Variants in WDFY4 observed in about 807,000 individuals in gnomAD.
WDFY4 encodes WD repeat- and FYVE domain-containing protein 4.
A neutral mutation model predicts 351.9 loss-of-function variants in WDFY4; 169 were observed. The observed-to-expected ratio is 0.48, with a 90% confidence interval of 0.42 to 0.55. WDFY4 has a LOEUF of 0.55. WDFY4 is among the 20% of genes least tolerant of loss of function. WDFY4 has a pLI of 0.00. For missense variants in WDFY4, 3,803 were observed against 3,935.6 expected (o/e 0.97, Z 0.90); for synonymous variants, 1,622 against 1,574.6 (o/e 1.03, Z -0.71).
chr10:48,843,190 T>G (rs1331952199), intron 39 of WDFY4, among the ~76,000 whole-genome samples: 2 of 152,236 alleles, frequency 1.3e-5, no homozygotes, highest in Non-Finnish European at 2.9e-5. Flanking sequence ...TTTGGAAAGA[T>G]TAACCAGATC....
rs531842204 is a variant in WDFY4 at position 48,966,267 on chromosome 10, A to G, written c.8437-259A>G. 2.8e-3 allele frequency among the ~76,000 whole-genome samples: 429 copies of G among 152,232 alleles called. 2 individuals carry two copies. Among genetic ancestry groups the G allele is most frequent in the Middle Eastern group, 6.8e-3 (2 of 294 alleles). ...CAATGAGGCCAGTCTTCTCCCAAGC[A>G]GCTTGGGAAAGGAGAGATTTGGCAG... is the stretch of plus-strand genomic sequence containing the variant. On this transcript the variant is annotated intron_variant, in intron 54 of 61. Coordinates refer to ENST00000325239, the MANE Select transcript of WDFY4 (RefSeq NM_001394531.1).
chr10:48,815,734 C>CTT (rs539434729), intron 31 of WDFY4, among the ~76,000 whole-genome samples: 1 of 146,640 alleles, frequency 6.8e-6, no homozygotes, highest in Non-Finnish European at 1.5e-5. Context: ...TAATCCTATG[C>CTT]TTTTTTTTTT....
At chr10:48,813,397 A>G (rs892456593) in intron 30 of WDFY4, among the ~76,000 whole-genome samples, 1 of 152,238 alleles carries the variant, frequency 6.6e-6, no homozygotes, top group African/African-American at 2.4e-5. Flanking sequence ...GATGTCTGCT[A>G]AGTGTTGGAA....
At chr10:48,869,595 G>A (rs930089376) in intron 40 of WDFY4, among the ~76,000 whole-genome samples, 1 of 151,362 alleles carries the variant, frequency 6.6e-6, no homozygotes, top group African/African-American at 2.4e-5. Flanking sequence ...TCTACAGTCT[G>A]GCCCTGTTCA....
chr10:48,851,444 T>G (rs1176164567), intron 39 of WDFY4, among the ~76,000 whole-genome samples: 1 of 152,196 alleles, frequency 6.6e-6, no homozygotes, highest in Non-Finnish European at 1.5e-5. Flanking sequence ...GATGAAATGG[T>G]AATCACATGT....
At chr10:48,787,864 C>CT (rs1463697022) in intron 20 of WDFY4, among the ~76,000 whole-genome samples, 26 of 126,500 alleles carry the variant, frequency 2.1e-4, no homozygotes, top group African/African-American at 8.9e-4. Context: ...CTTCTTTCTT[C>CT]TTCTTTCTTC....
chr10:48,913,656 G>A lies in WDFY4; in HGVS notation c.7586+11793G>A, dbSNP rs947229714. On this transcript the variant is annotated intron_variant, in intron 47 of 61. Coordinates refer to ENST00000325239, the MANE Select transcript of WDFY4 (RefSeq NM_001394531.1). Reference sequence around the variant, plus strand: ...CTTTATGTTGAGCTTTTTCAGCTTGGGGAGCTTGGAGATGCTCACGGGGAT... The same window carrying A: ...CTTTATGTTGAGCTTTTTCAGCTTGAGGAGCTTGGAGATGCTCACGGGGAT... 3 of 1,613,608 alleles carry A rather than the reference G, an allele frequency of 1.9e-6. No homozygotes were observed. In the African/African-American group the frequency reaches 4.0e-5, roughly 22 times the overall value.
chr10:48,732,754 A>G (rs1440892589), intron 9 of WDFY4, among the ~76,000 whole-genome samples: 1 of 152,260 alleles, frequency 6.6e-6, no homozygotes, highest in East Asian at 1.9e-4. Flanking sequence ...ACAGGGGCTC[A>G]AGAAACATCA....
intron 18 of WDFY4, among the ~76,000 whole-genome samples, chr10:48,779,635 T>G (rs772892684): frequency 2.6e-5 from 4 of 152,170 alleles, no homozygotes; most frequent in Non-Finnish European, 4.4e-5. Context: ...CTGTATGACC[T>G]TGGGCAAGTC....
At chr10:48,917,472 T>A (rs1384027382) in intron 47 of WDFY4, among the ~76,000 whole-genome samples, 1 of 151,880 alleles carries the variant, frequency 6.6e-6, no homozygotes, top group Non-Finnish European at 1.5e-5. Flanking sequence ...TGCTCCAAAT[T>A]AAAGAAAAAA....
intron 10 of WDFY4, among the ~76,000 whole-genome samples, chr10:48,734,689 G>T (rs2064590065): frequency 6.6e-6 from 1 of 151,896 alleles, no homozygotes; most frequent in Admixed American, 6.6e-5. Context: ...TCTGCAAAAG[G>T]TTCCCCGGAG....
intron 39 of WDFY4, among the ~76,000 whole-genome samples, chr10:48,857,348 T>TC (rs2069170182): frequency 1.3e-5 from 2 of 151,520 alleles, no homozygotes; most frequent in East Asian, 1.9e-4. Flanking sequence ...GCTTTTTTTT[T>TC]CCTCCTATAA....
intron 52 of WDFY4, among the ~76,000 whole-genome samples, chr10:48,957,701 A>G (rs1303763920): frequency 1.3e-5 from 2 of 152,164 alleles, no homozygotes; most frequent in Non-Finnish European, 2.9e-5. Context: ...CAGGACCCAG[A>G]GATGCTGGGT....
At chr10:48,830,549 G>A (rs1589709586) in intron 37 of WDFY4, 151 bp from the exon 38 acceptor site, 1 of 847,010 alleles carries the variant, frequency 1.2e-6, no homozygotes, top group East Asian at 2.7e-5. Context: ...AGTACTGATT[G>A]CTTCTCGCTG....
At chr10:48,850,439 G>A (rs2068919819) in intron 39 of WDFY4, among the ~76,000 whole-genome samples, 1 of 152,168 alleles carries the variant, frequency 6.6e-6, no homozygotes, top group South Asian at 2.1e-4. Context: ...TTGTTCAAAT[G>A]GTTCCAGCTT....
At chr10:48,836,753 T>C (rs140038133) in intron 39 of WDFY4, among the ~76,000 whole-genome samples, 6 of 152,308 alleles carry the variant, frequency 3.9e-5, no homozygotes, top group African/African-American at 1.4e-4. Context: ...TCTAGAAGGC[T>C]GTGAGTGTCA....
At chr10:48,768,539 A>G (rs1158889604) in intron 13 of WDFY4, among the ~76,000 whole-genome samples, 1 of 152,076 alleles carries the variant, frequency 6.6e-6, no homozygotes, top group East Asian at 1.9e-4. Context: ...TCATTGGCAC[A>G]TCACTCTTTC....
intron 44 of WDFY4, among the ~76,000 whole-genome samples, chr10:48,891,392 T>C (rs1352422375): frequency 1.3e-5 from 2 of 152,270 alleles, no homozygotes; most frequent in Non-Finnish European, 2.9e-5. Context: ...TCAGCCCTTA[T>C]TGTGCAATTC....
chr10:48,951,293 T>G (rs1841309869), intron 51 of WDFY4, among the ~76,000 whole-genome samples: 1 of 152,204 alleles, frequency 6.6e-6, no homozygotes, highest in African/African-American at 2.4e-5. Context: ...GCAGGCAGTG[T>G]GACCAGGCAT....
Sources: allele counts gnomAD v4.1 joint callset (sites outside exome capture counted in the v4.1 genomes callset), GRCh38; gene constraint gnomAD v4.1.1; transcripts MANE v1.5; gene names NCBI Gene and HGNC (gene_info 2026-07-23, HGNC 2026-07-21).